CSMD1: variants seen among roughly 807,000 people sequenced by gnomAD.
CSMD1 encodes CUB and Sushi multiple domains 1.
Under a neutral mutation model 417.5 loss-of-function variants are expected in CSMD1, and 213 were observed. The observed-to-expected ratio is 0.51, with a 90% confidence interval of 0.46 to 0.57. CSMD1 has a LOEUF of 0.57. Ranked by LOEUF, CSMD1 falls within the 20% of genes least tolerant of loss-of-function variation. The pLI is 0.00. For missense variants in CSMD1, 6,923 were observed against 4,529.7 expected (o/e 1.53, Z -15.17); for synonymous variants, 2,862 against 1,736.8 (o/e 1.65, Z -16.11).
intron 25 of CSMD1, among the ~76,000 whole-genome samples, chr8:3,307,101 C>T (rs1234570749): frequency 6.6e-6 from 1 of 152,170 alleles, no homozygotes; most frequent in Non-Finnish European, 1.5e-5. Flanking sequence ...CTTTGCTTCT[C>T]TTCCTATTAA....
At chr8:3,145,843 GCA>G (rs1338445752) in intron 40 of CSMD1, among the ~76,000 whole-genome samples, 7 of 152,186 alleles carry the variant, frequency 4.6e-5, no homozygotes, top group Admixed American at 4.6e-4. Flanking sequence ...AACTTACCCA[GCA>G]CTGTCTTATC....
intron 6 of CSMD1, among the ~76,000 whole-genome samples, chr8:3,736,840 C>T (rs550488878): frequency 7.2e-5 from 11 of 152,146 alleles, no homozygotes; most frequent in African/African-American, 2.4e-4. Flanking sequence ...TGGGATGTTA[C>T]GTATGTCTAC....
intron 4 of CSMD1, among the ~76,000 whole-genome samples, chr8:4,010,041 A>T (rs949837882): frequency 6.6e-6 from 1 of 152,190 alleles, no homozygotes; most frequent in Non-Finnish European, 1.5e-5. Flanking sequence ...ACTTCCTCGA[A>T]AACTGAAAGT....
intron 2 of CSMD1, among the ~76,000 whole-genome samples, chr8:4,525,559 G>C (rs35714145): frequency 1.3e-5 from 2 of 152,212 alleles, no homozygotes; most frequent in Non-Finnish European, 2.9e-5. Flanking sequence ...TAAAGGAAAT[G>C]ATTGCACATA....
intron 26 of CSMD1, among the ~76,000 whole-genome samples, chr8:3,277,376 T>C (rs13264263): frequency 0.63 from 95,480 of 151,930 alleles, 30,128 homozygotes; most frequent in Admixed American, 0.65. Context: ...CGCAGGTGCA[T>C]GAAGAAGGAA....
intron 3 of CSMD1, among the ~76,000 whole-genome samples, chr8:4,034,441 T>G (rs1797513462): frequency 6.6e-6 from 1 of 152,324 alleles, no homozygotes; most frequent in African/African-American, 2.4e-5. Flanking sequence ...ATTTTTGTCT[T>G]TTTTAATAAG....
At chr8:4,167,751 A>G (rs1797534685) in intron 3 of CSMD1, among the ~76,000 whole-genome samples, 1 of 152,240 alleles carries the variant, frequency 6.6e-6, no homozygotes, top group Non-Finnish European at 1.5e-5. Context: ...GCACTTTTAG[A>G]GACCAAGGCA....
At chr8:3,019,492 A>T (rs1809169763) in intron 51 of CSMD1, among the ~76,000 whole-genome samples, 3 of 152,220 alleles carry the variant, frequency 2.0e-5, no homozygotes, top group Admixed American at 2.0e-4. Context: ...TTCGGAATGC[A>T]ATAGCAGTGC....
intron 10 of CSMD1, among the ~76,000 whole-genome samples, chr8:3,496,512 C>A (rs560928436): frequency 6.6e-6 from 1 of 152,210 alleles, no homozygotes; most frequent in South Asian, 2.1e-4. Context: ...TATAAACTAC[C>A]CTCTTAGCAC....
In CSMD1 at chr8:4,729,619, G is replaced by C. The variant is rs183797437; in HGVS notation, c.86-92061C>G. ...AACAAAAGACGTTAATCTGTGAGCA[G>C]GTGAGAAAGGGGGGAATGCAAACTT... On this transcript the variant is annotated intron_variant, in intron 1 of 69. Transcript: ENST00000635120. Among the ~76,000 whole-genome samples the C allele has an allele frequency of 9.0e-4, 137 of 152,298 alleles. 1 individual carries two copies. Among genetic ancestry groups the C allele is most frequent in the Middle Eastern group, 6.8e-3 (2 of 294 alleles).
At chr8:3,347,045 A>G (rs905240519) in intron 22 of CSMD1, among the ~76,000 whole-genome samples, 4 of 152,298 alleles carry the variant, frequency 2.6e-5, no homozygotes, top group African/African-American at 9.6e-5. Context: ...GGCACGCATA[A>G]AATGCACTAA....
intron 5 of CSMD1, among the ~76,000 whole-genome samples, chr8:3,955,378 A>G (rs1395056466): frequency 1.3e-5 from 2 of 152,230 alleles, no homozygotes; most frequent in African/African-American, 4.8e-5. Context: ...TTACTGGTTC[A>G]GAGATTTTCC....
intron 2 of CSMD1, among the ~76,000 whole-genome samples, chr8:4,567,857 A>G (rs1413942348): frequency 6.6e-6 from 1 of 152,196 alleles, no homozygotes; most frequent in Non-Finnish European, 1.5e-5. Context: ...GACTCTACAT[A>G]AGCATGCTGA....
At chr8:3,720,735 T>C (rs1023445480) in intron 6 of CSMD1, among the ~76,000 whole-genome samples, 3 of 151,988 alleles carry the variant, frequency 2.0e-5, no homozygotes, top group Non-Finnish European at 2.9e-5. Context: ...CCCTGGGAGA[T>C]TCATTTTACA....
intron 2 of CSMD1, among the ~76,000 whole-genome samples, chr8:4,499,423 C>G (rs183853237): frequency 6.6e-6 from 1 of 152,178 alleles, no homozygotes; most frequent in Non-Finnish European, 1.5e-5. Context: ...GAGGCATGCA[C>G]ACATCTGACA....
In CSMD1 at chr8:4,482,360, C is replaced by A. The variant is rs1315113548; in HGVS notation, c.303-62295G>T. Among the ~76,000 whole-genome samples, 3 of 152,186 alleles carry A rather than the reference C, an allele frequency of 2.0e-5. No homozygotes were observed. In the South Asian group the frequency reaches 6.2e-4, roughly 32 times the overall value. On this transcript the variant is annotated intron_variant, in intron 2 of 69. Transcript: ENST00000635120. The stretch of plus-strand genomic sequence containing the variant: ...AACATGCGGTATTCGGTTTTCTGTT[C>A]CTGAGTTAGTTTGCTAAGGATAATG...
At chr8:2,980,113 G>C (rs1255601820) in intron 54 of CSMD1, among the ~76,000 whole-genome samples, 1 of 152,200 alleles carries the variant, frequency 6.6e-6, no homozygotes, top group South Asian at 2.1e-4. Flanking sequence ...GAACACTAAA[G>C]ATATTTTTGT....
intron 1 of CSMD1, among the ~76,000 whole-genome samples, chr8:4,761,341 C>T (rs1812027700): frequency 6.6e-6 from 1 of 151,448 alleles, no homozygotes; most frequent in East Asian, 1.9e-4. Context: ...TCAATTTTTA[C>T]ATTAATTACA....
At chr8:4,992,374 A>T (rs750930720) in intron 1 of CSMD1, among the ~76,000 whole-genome samples, 2 of 152,234 alleles carry the variant, frequency 1.3e-5, no homozygotes, top group African/African-American at 4.8e-5. Context: ...TTGCGGGGGA[A>T]GGCAGCCGGA....
Sources: allele counts gnomAD v4.1 joint callset (sites outside exome capture counted in the v4.1 genomes callset), GRCh38; gene constraint gnomAD v4.1.1; transcripts MANE v1.5; gene names NCBI Gene and HGNC (gene_info 2026-07-23, HGNC 2026-07-21).